The following AGBL4 variants were observed in gnomAD, a reference collection of about 807,000 sequenced individuals.
AGBL4 encodes AGBL carboxypeptidase 4, also known as cytosolic carboxypeptidase 6.
Under a neutral mutation model 66.4 loss-of-function variants are expected in AGBL4, and 58 were observed. That is an observed-to-expected ratio of 0.87 (90% CI 0.71 to 1.09). The LOEUF (loss-of-function observed/expected upper bound fraction) is 1.09, where lower values mean the gene tolerates loss of function less well. AGBL4 is among the 50% of genes least tolerant of loss of function. The probability of loss-of-function intolerance (pLI) is 0.00; values close to 1 mark genes in which losing one functional copy is unlikely to be tolerated. For missense variants in AGBL4, 579 were observed against 631.0 expected (o/e 0.92, Z 0.88); for synonymous variants, 234 against 222.9 (o/e 1.05, Z -0.44).
At position 48,995,399 on chromosome 1, in the gene AGBL4, T is replaced by C. The variant is rs919974655; in HGVS notation, c.594+50185A>G. Among the ~76,000 whole-genome samples the C allele has an allele frequency of 1.3e-5, 2 of 152,220 alleles. 1 individual carries two copies. Among genetic ancestry groups the C allele is most frequent in the South Asian group, 4.1e-4 (2 of 4,836 alleles). Reference sequence around the variant, plus strand: ...TAATAGGTCAGTCTACAGATATTTATTGAATGTTTACTAAGTGCTGGGCAT... The same window carrying C: ...TAATAGGTCAGTCTACAGATATTTACTGAATGTTTACTAAGTGCTGGGCAT... On this transcript the variant is annotated intron_variant, in intron 5 of 13. Coordinates refer to ENST00000371839, the MANE Select transcript of AGBL4 (RefSeq NM_032785.4).
chr1:49,102,441 C>T (rs371908064), intron 4 of AGBL4, among the ~76,000 whole-genome samples: 88 of 152,212 alleles, frequency 5.8e-4, no homozygotes, highest in African/African-American at 1.9e-3. Flanking sequence ...CTTCCCAGCA[C>T]GTGGGGACTC....
chr1:48,742,137 C>T (rs1650013539), intron 6 of AGBL4, among the ~76,000 whole-genome samples: 1 of 152,188 alleles, frequency 6.6e-6, no homozygotes, highest in Admixed American at 6.5e-5. Flanking sequence ...GGGAGTATGT[C>T]TTGTTCTTCC....
rs372821557 is a variant in AGBL4, at chr1:49,182,410, G to A, written c.377+63360C>T. On this transcript the variant is annotated intron_variant, in intron 4 of 13. Transcript: ENST00000371839. The stretch of plus-strand genomic sequence containing the variant: ...GACCTACCTTGAATCAATCTTTAAC[G>A]GAAATATCCATAATCTGGAGTGAGG... Among the ~76,000 whole-genome samples, 23 of 152,244 alleles carry A rather than the reference G, an allele frequency of 1.5e-4. No homozygotes were observed. The South Asian group carries it at 4.4e-3, about 29-fold the overall frequency.
intron 5 of AGBL4, among the ~76,000 whole-genome samples, chr1:48,996,393 C>T (rs757519644): frequency 6.6e-5 from 10 of 152,132 alleles, no homozygotes; most frequent in Non-Finnish European, 1.5e-4. Context: ...AGCATAGTGG[C>T]TAGAGTACTT....
chr1:49,493,650 G>T (rs1647273320), intron 3 of AGBL4, among the ~76,000 whole-genome samples: 2 of 152,010 alleles, frequency 1.3e-5, no homozygotes, highest in Non-Finnish European at 1.5e-5. Context: ...AGAGAACCAT[G>T]TGAGAGGAAA....
intron 3 of AGBL4, among the ~76,000 whole-genome samples, chr1:49,248,200 A>G (rs975042813): frequency 6.6e-5 from 10 of 152,214 alleles, no homozygotes; most frequent in Non-Finnish European, 2.9e-5. Context: ...AGATAATGGT[A>G]ACCACGAAAA....
At chr1:48,593,578 C>G (rs894232944) in intron 9 of AGBL4, among the ~76,000 whole-genome samples, 1 of 151,946 alleles carries the variant, frequency 6.6e-6, no homozygotes, top group Non-Finnish European at 1.5e-5. Flanking sequence ...AGTGAAACCC[C>G]ATCTCTACTA....
chr1:50,004,633 C>A (rs1660999568), intron 1 of AGBL4, among the ~76,000 whole-genome samples: 1 of 152,142 alleles, frequency 6.6e-6, no homozygotes, highest in Non-Finnish European at 1.5e-5. Flanking sequence ...TTCCAGACCA[C>A]AGCTCCCAAA....
At chr1:49,074,128 G>A (rs775139797) in intron 4 of AGBL4, among the ~76,000 whole-genome samples, 17 of 152,264 alleles carry the variant, frequency 1.1e-4, no homozygotes, top group East Asian at 1.9e-4. Flanking sequence ...AGACTGCCGC[G>A]CTCACAGCAA....
intron 1 of AGBL4, among the ~76,000 whole-genome samples, chr1:49,960,808 T>A (rs1186584549): frequency 6.6e-6 from 1 of 152,074 alleles, no homozygotes; most frequent in Non-Finnish European, 1.5e-5. Flanking sequence ...ATGTAGCTCA[T>A]AAGTAGGTTT....
intron 4 of AGBL4, among the ~76,000 whole-genome samples, chr1:49,069,222 G>A (rs1051972359): frequency 6.6e-6 from 1 of 152,144 alleles, no homozygotes; most frequent in Non-Finnish European, 1.5e-5. Context: ...CTGTGCAGAA[G>A]CTCTTTTGTT....
intron 3 of AGBL4, among the ~76,000 whole-genome samples, chr1:49,642,626 C>A (rs955489055): frequency 3.3e-5 from 5 of 151,916 alleles, no homozygotes; most frequent in Admixed American, 6.6e-5. Context: ...AAGGAACAAA[C>A]CTTCGTGCTC....
intron 1 of AGBL4, among the ~76,000 whole-genome samples, chr1:50,011,152 TAAC>T (rs1235317580): frequency 6.6e-6 from 1 of 152,090 alleles, no homozygotes; most frequent in Non-Finnish European, 1.5e-5. Context: ...AAGAGATTAA[TAAC>T]AAGAATATAT....
At chr1:49,620,857 A>T (rs2124297996) in intron 3 of AGBL4, among the ~76,000 whole-genome samples, 1 of 152,218 alleles carries the variant, frequency 6.6e-6, no homozygotes, top group South Asian at 2.1e-4. Context: ...ATGTAACCAA[A>T]TCAACCTTTT....
intron 2 of AGBL4, among the ~76,000 whole-genome samples, chr1:49,800,493 C>T (rs1412634649): frequency 2.3e-4 from 28 of 122,742 alleles, no homozygotes; most frequent in African/African-American, 4.6e-4. Flanking sequence ...TTAGGTATAT[C>T]TCCCAATGCT....
chr1:49,271,539 C>T (rs1316732941), intron 3 of AGBL4, among the ~76,000 whole-genome samples: 1 of 151,932 alleles, frequency 6.6e-6, no homozygotes, highest in East Asian at 1.9e-4. Flanking sequence ...CACACACACA[C>T]ACACACACAC....
rs542724902 is a variant in AGBL4, at chr1:49,509,034, C to CTATGA, written c.282+188274_282+188278dup. ...CCAAACACCCCAAACACAAAGCCAA[C>CTATGA]TATGATATTATAATACATACCTGAA... On this transcript the variant is annotated intron_variant, in intron 3 of 13. Coordinates refer to ENST00000371839, the MANE Select transcript of AGBL4 (RefSeq NM_032785.4). Among the ~76,000 whole-genome samples, 370 of 151,800 alleles carry CTATGA rather than the reference C, an allele frequency of 2.4e-3. 1 individual carries two copies. The highest frequency in any genetic ancestry group is 8.0e-3 in the African/African-American group (330 of 41,436).
chr1:49,963,046 G>T (rs1476514226), intron 1 of AGBL4, among the ~76,000 whole-genome samples: 1 of 152,036 alleles, frequency 6.6e-6, no homozygotes, highest in Admixed American at 6.6e-5. Flanking sequence ...CCCATCACAG[G>T]CTTCTCTGGA....
chr1:49,413,032 C>G (rs1456431147), intron 3 of AGBL4, among the ~76,000 whole-genome samples: 2 of 152,122 alleles, frequency 1.3e-5, no homozygotes, highest in Non-Finnish European at 2.9e-5. Flanking sequence ...AATGGTGGAA[C>G]TTGATACCAG....
Sources: gnomAD v4.1 joint callset for allele counts (sites outside exome capture counted in the v4.1 genomes callset) on GRCh38, gnomAD v4.1.1 for gene constraint, MANE v1.5 for transcripts, NCBI Gene and HGNC (gene_info 2026-07-23, HGNC 2026-07-21) for gene names.